Variants in ABCA6 observed in about 807,000 individuals in gnomAD.
ABCA6 encodes the protein ATP binding cassette subfamily A member 6, also known as ATP-binding cassette sub-family A member 6.
A neutral mutation model predicts 191.2 loss-of-function variants in ABCA6; 164 were observed. That is an observed-to-expected ratio of 0.86 (90% confidence interval 0.76 to 0.98). The LOEUF (loss-of-function observed/expected upper bound fraction) is 0.98. ABCA6 is among the 50% of genes least tolerant of loss of function. The pLI is 0.00. For synonymous variants in ABCA6, 636 were observed against 647.7 expected (o/e 0.98, Z 0.27); for missense variants, 1,958 against 1,894.1 (o/e 1.03, Z -0.63).
intron 5 of ABCA6, 138 bp from the exon 6 acceptor site, chr17:69,134,005 T>G: frequency 1.8e-6 from 1 of 566,556 alleles, no homozygotes; most frequent in Non-Finnish European, 3.1e-6. Context: ...ATGTTCCCAG[T>G]AAAGGCAACT....
At chr17:69,136,489 T>G (rs1267421432) in intron 3 of ABCA6, among the ~76,000 whole-genome samples, 1 of 152,182 alleles carries the variant, frequency 6.6e-6, no homozygotes, top group Non-Finnish European at 1.5e-5. Flanking sequence ...CAGGGCAAGT[T>G]TTAGGTACAT....
chr17:69,085,507 T>G, intron 31 of ABCA6, 118 bp downstream of exon 31: 1 of 763,334 alleles, frequency 1.3e-6, no homozygotes, highest in South Asian at 2.3e-5. Context: ...AAAAATAAAA[T>G]TTATCCAAAG....
intron 25 of ABCA6, among the ~76,000 whole-genome samples, chr17:69,093,172 C>T (rs985887943): frequency 3.3e-5 from 5 of 151,960 alleles, no homozygotes; most frequent in African/African-American, 9.7e-5. Flanking sequence ...TAAATTTTTT[C>T]CTCTATTGAA....
Position 69,134,672 on chromosome 17 carries a change from A to G in ABCA6, c.531T>C (p.Ala177=). The stretch of plus-strand genomic sequence containing the variant: ...TGGCAGTATTAATAGCTGTTTGTAA[A>G]GCCACAAATCCTCTATTCCAGTATT... The part of the protein sequence containing the change: ...LTKYWNRGFV[A]LQTAINTAII... Residue 177 remains alanine, a synonymous_variant, in exon 5 of 39, where the codon GCT becomes GCC. Coordinates refer to ENST00000284425, the MANE Select transcript of ABCA6 (RefSeq NM_080284.3). 1 of 1,613,658 alleles carries G rather than the reference A, an allele frequency of 6.2e-7. No homozygotes were observed. Among genetic ancestry groups the G allele is most frequent in the Non-Finnish European group, 8.5e-7 (1 of 1,179,826 alleles).
intron 9 of ABCA6, among the ~76,000 whole-genome samples, chr17:69,123,762 T>A (rs112868838): frequency 5.3e-4 from 81 of 152,058 alleles, no homozygotes; most frequent in African/African-American, 1.9e-3. Context: ...TTAGTACAGA[T>A]CTTAGAGCCT....
rs1439563424 is a variant in ABCA6, at chr17:69,137,126, A to C, written c.301+170T>G. On this transcript the variant is annotated intron_variant, in intron 3 of 38. Transcript: ENST00000284425. The stretch of plus-strand genomic sequence containing the variant: ...TCCCAACAAGCTGAAAATATTTCAA[A>C]GGCTAGTTGTTGTGAGAGAAAGCAA... Among the ~76,000 whole-genome samples, 8 of 152,334 alleles carry C rather than the reference A, an allele frequency of 5.3e-5. No homozygotes were observed. In the East Asian group the frequency reaches 1.5e-3, roughly 29 times the overall value.
At chr17:69,098,625 C>CAAAAAAAAAAA in intron 22 of ABCA6, 1 of 46,346 alleles carries the variant, frequency 2.2e-5, no homozygotes, top group Non-Finnish European at 4.0e-5. Context: ...AACTCGGTCT[C>CAAAAAAAAAAA]AAAAAAAAAA....
In ABCA6 at chr17:69,112,240, T is replaced by G. The variant is rs1397886739; in HGVS notation, c.2075A>C (p.Lys692Thr). The change falls in exon 16 of 39, where the codon AAG becomes ACG. Residue 692 changes from lysine (K) to threonine (T), a missense_variant. By Grantham distance (78) the Lys-to-Thr change is moderately conservative (BLOSUM62 -1). Transcript: ENST00000284425. ...RKVIMSNGRL[K>T]CAGSSMFLKR... ...CAAAAACATAGAAGAACCTGCACAC[T>G]TCAGTCTCCCATTGGACATGATCAC... 3 of 1,612,584 alleles carry G rather than the reference T, an allele frequency of 1.9e-6. No individual in the cohort carries two copies. The highest frequency in any genetic ancestry group is 2.5e-6 in the Non-Finnish European group (3 of 1,179,092).
chr17:69,093,849 T>C (rs1250448480), intron 25 of ABCA6, among the ~76,000 whole-genome samples: 1 of 152,152 alleles, frequency 6.6e-6, no homozygotes, highest in East Asian at 1.9e-4. Flanking sequence ...TAGATAAGCA[T>C]AAGAAGGGCA....
rs143133572 is a variant in ABCA6, at chr17:69,127,816, G to A, written c.1119+803C>T. Among the ~76,000 whole-genome samples, 373 of 152,146 alleles carry A rather than the reference G, an allele frequency of 2.5e-3. 1 individual carries two copies. Among genetic ancestry groups the A allele is most frequent in the Non-Finnish European group, 3.6e-3 (248 of 67,958 alleles). The stretch of plus-strand genomic sequence containing the variant: ...AATGTCCATATTCAGTAGGAAATGT[G>A]TACTAGAATGTTTGTAGCAGCTTTA... On this transcript the variant is annotated intron_variant, in intron 8 of 38. Coordinates refer to ENST00000284425, the MANE Select transcript of ABCA6 (RefSeq NM_080284.3).
intron 4 of ABCA6, 126 bp downstream of exon 4, chr17:69,135,966 A>C (rs1308760239): frequency 2.2e-6 from 2 of 897,144 alleles, no homozygotes; most frequent in Non-Finnish European, 3.4e-6. Flanking sequence ...AAATAAGTTC[A>C]GCAATGAAAT....
intron 12 of ABCA6, among the ~76,000 whole-genome samples, 195 bp downstream of exon 12, chr17:69,115,181 A>G (rs190729870): frequency 3.5e-4 from 54 of 152,274 alleles, no homozygotes; most frequent in African/African-American, 1.3e-3. Context: ...ATATCACACA[A>G]TGGAATAAAG....
intron 6 of ABCA6, among the ~76,000 whole-genome samples, chr17:69,131,291 C>T (rs1234887070): frequency 6.6e-6 from 1 of 152,124 alleles, no homozygotes; most frequent in Admixed American, 6.5e-5. Context: ...CATGTTCACA[C>T]CAGATTTACT....
chr17:69,111,858 T>G (rs2073429847), intron 16 of ABCA6: 1 of 194,122 alleles, frequency 5.2e-6, no homozygotes, highest in Non-Finnish European at 1.0e-5. Context: ...AAAACATATT[T>G]CAGAATTCTA....
In ABCA6 at chr17:69,084,489, T is replaced by G; in HGVS notation, c.4203A>C (p.Lys1401Asn). 1 of 1,614,126 alleles carries G rather than the reference T, an allele frequency of 6.2e-7. No individual in the cohort carries two copies. Among genetic ancestry groups the G allele is most frequent in the Non-Finnish European group, 8.5e-7 (1 of 1,180,012 alleles). ...CAGGAACATTCAGCTGCTCATGCAG[T>G]TTGAAAGCACTCACTAATCTGACAG... Reference protein sequence around the residue: ...LAIARLVSAFKLHEQLNVPVQ... With the variant: ...LAIARLVSAFNLHEQLNVPVQ... Residue 1401 changes from lysine to asparagine, a missense_variant, in exon 33 of 39, where the codon AAA becomes AAC. Lys to Asn is a moderately conservative substitution (Grantham distance 94, BLOSUM62 0). Transcript: ENST00000284425.
chr17:69,108,001 T>G, intron 17 of ABCA6, 189 bp from the exon 18 acceptor site: 1 of 507,368 alleles, frequency 2.0e-6, no homozygotes. Flanking sequence ...GGAAGACCTC[T>G]TCCTCCATCC....
intron 28 of ABCA6, 78 bp downstream of exon 28, chr17:69,088,086 GTAT>G (rs1204742488): frequency 8.3e-6 from 10 of 1,206,982 alleles, no homozygotes; most frequent in Non-Finnish European, 1.2e-5. Flanking sequence ...ATGTAAATCT[GTAT>G]TAACAAGATG....
At chr17:69,111,903 GTAGAGGT>G (rs2073430578) in intron 16 of ABCA6, 1 of 252,736 alleles carries the variant, frequency 4.0e-6, no homozygotes, top group African/African-American at 2.2e-5. Flanking sequence ...TAGGAAGCAG[GTAGAGGT>G]TTAGGCTGCA....
At chr17:69,110,671 C>T in intron 17 of ABCA6, 130 bp downstream of exon 17, 1 of 1,060,258 alleles carries the variant, frequency 9.4e-7, no homozygotes, top group Admixed American at 2.9e-5. Flanking sequence ...AATCCTTCCT[C>T]TTGAGTTCTG....
Sources: gnomAD v4.1 joint callset for allele counts (sites outside exome capture counted in the v4.1 genomes callset) on GRCh38, gnomAD v4.1.1 for gene constraint, MANE v1.5 for transcripts, NCBI Gene and HGNC (gene_info 2026-07-23, HGNC 2026-07-21) for gene names.